The following TPRG1 variants were observed in gnomAD, a reference collection of about 807,000 sequenced individuals.
The protein encoded by TPRG1 is tumor protein p63 regulated 1.
TPRG1 carries 29 observed loss-of-function variants against 29.3 expected under a neutral mutation model. That is an observed-to-expected ratio of 0.99 (90% CI 0.74 to 1.35). The LOEUF is 1.35. TPRG1 is among the 40% of genes most tolerant of loss of function. The pLI, the probability that TPRG1 is intolerant of heterozygous loss-of-function variation, is 0.00. For synonymous variants in TPRG1, 130 were observed against 116.8 expected, an observed-to-expected ratio of 1.11 and a Z score of -0.73; for missense variants, 327 against 335.0, an observed-to-expected ratio of 0.98 and a Z score of 0.19.
At chr3:189,101,858 TG>T (rs1312431912) in intron 1 of TPRG1, among the ~76,000 whole-genome samples, 1 of 151,940 alleles carries the variant, frequency 6.6e-6, no homozygotes, top group African/African-American at 2.4e-5. Context: ...ACTCAGTACT[TG>T]GTGTGCTGCA....
intron 3 of TPRG1, among the ~76,000 whole-genome samples, chr3:189,229,413 G>A (rs1316310800): frequency 1.3e-5 from 2 of 152,222 alleles, no homozygotes; most frequent in African/African-American, 2.4e-5. Context: ...ACAAAGAGAG[G>A]TTAAGTCATT....
upstream of TPRG1, among the ~76,000 whole-genome samples, chr3:189,095,369 T>C (rs1718607752): frequency 6.6e-6 from 1 of 152,152 alleles, no homozygotes; most frequent in East Asian, 1.9e-4. Flanking sequence ...GCATGTCTCT[T>C]CCTTGCCCTT....
At chr3:189,174,473 C>A (rs530114449) in intron 1 of TPRG1, among the ~76,000 whole-genome samples, 1 of 152,108 alleles carries the variant, frequency 6.6e-6, no homozygotes, top group African/African-American at 2.4e-5. Flanking sequence ...TTTAGGCTAC[C>A]AAGTGTTTGA....
intron 4 of TPRG1, among the ~76,000 whole-genome samples, chr3:189,247,947 T>C (rs756429479): frequency 6.6e-6 from 1 of 151,284 alleles, no homozygotes; most frequent in Non-Finnish European, 1.5e-5. Context: ...TTAATATTCA[T>C]GTTTAATTGA....
intron 1 of TPRG1, among the ~76,000 whole-genome samples, chr3:189,107,931 T>A (rs933946174): frequency 3.3e-5 from 5 of 152,136 alleles, no homozygotes; most frequent in Non-Finnish European, 7.4e-5. Context: ...AAAAATTGCA[T>A]AGAATCATAA....
chr3:189,200,332 G>C (rs1318817260), intron 1 of TPRG1, among the ~76,000 whole-genome samples: 1 of 152,208 alleles, frequency 6.6e-6, no homozygotes, highest in African/African-American at 2.4e-5. Flanking sequence ...AGAGTTATGA[G>C]GTGTTAGAGT....
chr3:189,206,332 C>CT (rs1337800706), intron 1 of TPRG1, among the ~76,000 whole-genome samples: 3 of 151,754 alleles, frequency 2.0e-5, no homozygotes, highest in Non-Finnish European at 2.9e-5. Flanking sequence ...TAGTCAACTT[C>CT]TTACTGATGG....
In TPRG1 at chr3:189,112,772, AC is replaced by A. The variant is rs565438371; in HGVS notation, c.-744+12570del. ...GTACCAGTACCATGCTGTTTTGGTT[AC>A]CGTAGCCTTGTAGTATAGTTTGAAT... On this transcript the variant is annotated intron_variant, in intron 1 of 6. Transcript: ENST00000412373. Among the ~76,000 whole-genome samples, 514 of 152,252 alleles carry A rather than the reference AC, an allele frequency of 3.4e-3. 3 individuals are homozygous for A. The highest frequency in any genetic ancestry group is 9.8e-3 in the Admixed American group (150 of 15,290).
At chr3:189,064,957 G>C (rs1270059118) in intron 4 of TPRG1, among the ~76,000 whole-genome samples, 1 of 152,174 alleles carries the variant, frequency 6.6e-6, no homozygotes, top group Non-Finnish European at 1.5e-5. Flanking sequence ...GAGAGGTTGA[G>C]ATGGGAGGAT....
chr3:189,152,131 C>T (rs1332362248), intron 5 of TPRG1, among the ~76,000 whole-genome samples: 3 of 152,040 alleles, frequency 2.0e-5, no homozygotes, highest in Non-Finnish European at 2.9e-5. Flanking sequence ...TTCCATGTGA[C>T]TCAACTATTT....
At chr3:188,999,601 T>C (rs1276089028) in intron 1 of TPRG1, among the ~76,000 whole-genome samples, 1 of 152,136 alleles carries the variant, frequency 6.6e-6, no homozygotes, top group Non-Finnish European at 1.5e-5. Context: ...GAATAAGTAA[T>C]ACACACTTCA....
intron 3 of TPRG1, among the ~76,000 whole-genome samples, chr3:189,232,785 A>G (rs987170897): frequency 1.1e-4 from 16 of 152,150 alleles, no homozygotes; most frequent in Admixed American, 2.6e-4. Context: ...AATTGGAAAG[A>G]CCCAGGGGAA....
Position 189,172,137 on chromosome 3 carries a change from A to T in TPRG1, c.-10+6A>T, listed in dbSNP as rs1728884799. 1 of 152,172 alleles carries T rather than the reference A, an allele frequency of 6.6e-6. No individual in the cohort carries two copies. The highest frequency in any genetic ancestry group is 2.4e-5 in the African/African-American group (1 of 41,432). 9.4% of individuals were successfully genotyped at this position (152,172 alleles called of 1,614,324 possible). A position where few individuals can be genotyped will look rare whatever the true frequency, so the allele number is the denominator to read the frequency against. Reference sequence around the variant, plus strand: ...TTGAGGACCAGCCTAGTCAGGTAAGATCAAGTGGCTTGTCACTGGTTCTGC... The same window carrying T: ...TTGAGGACCAGCCTAGTCAGGTAAGTTCAAGTGGCTTGTCACTGGTTCTGC... On this transcript the variant is annotated splice_donor_region_variant and intron_variant, in intron 1 of 5. Transcript: ENST00000345063.
intron 1 of TPRG1, among the ~76,000 whole-genome samples, chr3:189,193,694 T>C (rs1391652194): frequency 1.3e-5 from 2 of 151,354 alleles, no homozygotes; most frequent in Non-Finnish European, 2.9e-5. Flanking sequence ...TCAAGTCTGT[T>C]GTTGAGGCTG....
At chr3:189,213,023 G>C (rs933080189) in intron 2 of TPRG1, among the ~76,000 whole-genome samples, 1 of 152,148 alleles carries the variant, frequency 6.6e-6, no homozygotes, top group Non-Finnish European at 1.5e-5. Context: ...TTATTCCACT[G>C]TATTTCCCTG....
intron 4 of TPRG1, among the ~76,000 whole-genome samples, chr3:189,262,323 G>C (rs1713258418): frequency 6.6e-6 from 1 of 152,024 alleles, no homozygotes; most frequent in Admixed American, 6.6e-5. Context: ...TCTGGTGTGG[G>C]AGAGGAAGAG....
At chr3:189,282,909 T>C (rs1357778383) in intron 4 of TPRG1, among the ~76,000 whole-genome samples, 1 of 152,188 alleles carries the variant, frequency 6.6e-6, no homozygotes, top group African/African-American at 2.4e-5. Context: ...CTCATCCAAG[T>C]CCCCAGCCAA....
At chr3:189,222,818 A>G (rs1006666292) in intron 3 of TPRG1, among the ~76,000 whole-genome samples, 12 of 152,142 alleles carry the variant, frequency 7.9e-5, no homozygotes, top group Admixed American at 3.9e-4. Flanking sequence ...GTCAAATTGA[A>G]CTGCCTGCTG....
intron 4 of TPRG1, chr3:189,024,036 G>A (rs1173637212): frequency 2.0e-5 from 3 of 152,318 alleles, no homozygotes; most frequent in African/African-American, 7.2e-5. Context: ...TTGCTGTGTT[G>A]GGGGATCCCT....
Sources: allele counts gnomAD v4.1 joint callset (sites outside exome capture counted in the v4.1 genomes callset), GRCh38; gene constraint gnomAD v4.1.1; transcripts MANE v1.5; gene names NCBI Gene and HGNC (gene_info 2026-07-23, HGNC 2026-07-21).